Variants in DYNC2H1 observed in about 807,000 individuals in gnomAD.
The protein encoded by DYNC2H1 is cytoplasmic dynein 2 heavy chain 1.
Under a neutral mutation model 570.0 loss-of-function variants are expected in DYNC2H1, and 410 were observed. The observed-to-expected ratio is 0.72, with a 90% confidence interval of 0.66 to 0.78. DYNC2H1 has a LOEUF of 0.78. Ranked by LOEUF, DYNC2H1 falls within the 30% of genes least tolerant of loss-of-function variation. DYNC2H1 has a pLI of 0.00. For missense variants in DYNC2H1, 4,865 were observed against 5,046.4 expected, an observed-to-expected ratio of 0.96 and a Z score of 1.09; for synonymous variants, 1,688 against 1,677.6, an observed-to-expected ratio of 1.01 and a Z score of -0.15.
In DYNC2H1 at chr11:103,192,076, AT is replaced by A. The variant is rs1275765548; in HGVS notation, c.7541-20del. The A allele has an allele frequency of 6.9e-7, 1 of 1,440,618 alleles. No individual in the cohort carries two copies. Among genetic ancestry groups the A allele is most frequent in the Admixed American group, 2.1e-5 (1 of 47,824 alleles). The allele number at this position is 1,440,618 out of a possible 1,614,324, so 89.2% of individuals were successfully genotyped here. ...TTAAAAATCATTATATTACAATTAAATAAAATTTTGCCTTTTCTAGGATCCT... is the reference window on the plus strand; with the variant it reads ...TTAAAAATCATTATATTACAATTAAAAAAATTTTGCCTTTTCTAGGATCCT... On this transcript the variant is annotated intron_variant, in intron 46 of 88. Coordinates refer to ENST00000375735, the MANE Select transcript of DYNC2H1 (RefSeq NM_001377.3).
At chr11:103,428,960 TTTTTAA>T (rs1290086209) in intron 84 of DYNC2H1, among the ~76,000 whole-genome samples, 1 of 152,126 alleles carries the variant, frequency 6.6e-6, no homozygotes, top group African/African-American at 2.4e-5. Flanking sequence ...GCATTCTATT[TTTTTAA>T]TTGAAAAAAT....
rs771851271 is a variant in DYNC2H1, at chr11:103,156,572, A to T, written c.3929A>T (p.Gln1310Leu). 1 of 1,613,768 alleles carries T rather than the reference A, an allele frequency of 6.2e-7. No homozygotes were observed. The highest frequency in any genetic ancestry group is 1.3e-5 in the African/African-American group (1 of 75,046). ...GTTGGAGATAATAGATGCCTTCTCC[A>T]ATCCTTAAAGGATTCTCCTTATTAT... is the stretch of plus-strand genomic sequence containing the variant. ...NQVGDNRCLL[Q>L]SLKDSPYYKG... The change falls in exon 26 of 89, where the codon CAA (glutamine) becomes CTA (leucine). Residue 1310 changes from glutamine to leucine, a missense_variant. Around this residue, in one of 5 missense-constraint regions of DYNC2H1, gnomAD observed 1,936 missense variants for 1,962.1 expected, o/e 0.99. Coordinates refer to ENST00000375735, the MANE Select transcript of DYNC2H1 (RefSeq NM_001377.3).
At chr11:103,148,451 A>T in intron 19 of DYNC2H1, 39 bp from the exon 20 acceptor site, 1 of 1,533,052 alleles carries the variant, frequency 6.5e-7, no homozygotes, top group Non-Finnish European at 8.8e-7. Flanking sequence ...TTTTGATGGT[A>T]ATAATTAACA....
chr11:103,224,034 C>G (rs1360310097), intron 59 of DYNC2H1, among the ~76,000 whole-genome samples: 1 of 152,052 alleles, frequency 6.6e-6, no homozygotes, highest in African/African-American at 2.4e-5. Flanking sequence ...GCATAAGCCA[C>G]CGTGCCTTGC....
chr11:103,433,889 C>T (rs1331135313), intron 84 of DYNC2H1, among the ~76,000 whole-genome samples: 2 of 152,034 alleles, frequency 1.3e-5, no homozygotes, highest in Non-Finnish European at 2.9e-5. Context: ...AATGGTAGGA[C>T]AGGCATAGGG....
At chr11:103,453,014 G>A (rs17100945) in intron 85 of DYNC2H1, among the ~76,000 whole-genome samples, 36,548 of 151,860 alleles carry the variant, frequency 0.24, 4,603 homozygotes, top group Admixed American at 0.33. Flanking sequence ...GTGTTTGTGC[G>A]TGTATAATAT....
chr11:103,433,757 G>A (rs1266941938), intron 84 of DYNC2H1, among the ~76,000 whole-genome samples: 1 of 152,050 alleles, frequency 6.6e-6, no homozygotes, highest in African/African-American at 2.4e-5. Flanking sequence ...TTAAATCAGG[G>A]GAAAGTATGG....
At chr11:103,265,219 G>A (rs187426407) in intron 70 of DYNC2H1, among the ~76,000 whole-genome samples, 2 of 152,140 alleles carry the variant, frequency 1.3e-5, no homozygotes, top group East Asian at 1.9e-4. Flanking sequence ...TGGGGGGTGC[G>A]GTAAAAAGTG....
Position 103,177,469 on chromosome 11 carries a change from C to A in DYNC2H1, c.5875-87C>A. 1 of 1,365,136 alleles carries A rather than the reference C, an allele frequency of 7.3e-7. No homozygotes were observed. Among genetic ancestry groups the A allele is most frequent in the African/African-American group, 1.5e-5 (1 of 66,488 alleles). The allele number at this position is 1,365,136 out of a possible 1,614,324, so 84.6% of individuals were successfully genotyped here. A position where few individuals can be genotyped will look rare whatever the true frequency, so the allele number is the denominator to read the frequency against. On this transcript the variant is annotated intron_variant, in intron 37 of 88. Coordinates refer to ENST00000375735, the MANE Select transcript of DYNC2H1 (RefSeq NM_001377.3). This position sits in a 1 kb window ranked among gnomAD's most constrained non-coding sequence, Gnocchi z 4.4. ...GAAGAAATCAAAGGCTTAATTTACA[C>A]ATTAGAACAAGTGTTACAGAATAAA...
At chr11:103,436,759 T>C (rs181572378) in intron 85 of DYNC2H1, among the ~76,000 whole-genome samples, 2 of 152,258 alleles carry the variant, frequency 1.3e-5, no homozygotes, top group East Asian at 3.9e-4. Context: ...AACAGCCACA[T>C]TTCATTCTCA....
At chr11:103,382,901 A>G (rs561841218) in intron 83 of DYNC2H1, among the ~76,000 whole-genome samples, 3 of 152,358 alleles carry the variant, frequency 2.0e-5, no homozygotes, top group Middle Eastern at 3.4e-3. Context: ...TTGGTAACAC[A>G]TGTTGGAGAG....
rs7102117 is a variant in DYNC2H1, at chr11:103,174,365, A to G, written c.5674+195A>G. On this transcript the variant is annotated intron_variant, in intron 36 of 88. Transcript: ENST00000375735. ...ACAACTAATGAATCAACTTTGATACATTGTTTTTAAACTAAATTTCCTACT... is the reference window on the plus strand; with the variant it reads ...ACAACTAATGAATCAACTTTGATACGTTGTTTTTAAACTAAATTTCCTACT... 0.025 allele frequency among the ~76,000 whole-genome samples: 3,750 copies of G among 152,238 alleles called. 174 individuals carry two copies. The highest frequency in any genetic ancestry group is 0.085 in the African/African-American group (3,546 of 41,536).
At chr11:103,374,823 C>G (rs12576263) in intron 83 of DYNC2H1, among the ~76,000 whole-genome samples, 1 of 152,134 alleles carries the variant, frequency 6.6e-6, no homozygotes, top group Non-Finnish European at 1.5e-5. Flanking sequence ...AAGTTTGGAA[C>G]ATTTGCAGTC....
In DYNC2H1 at chr11:103,222,128, A is replaced by G. The variant is rs1299282661; in HGVS notation, c.9206A>G (p.Lys3069Arg). The change falls in exon 58 of 89, where the codon AAA becomes AGA. Residue 3069 changes from lysine (K) to arginine (R), a missense_variant. By Grantham distance (26) the Lys-to-Arg change is conservative. Around this residue, in one of 5 missense-constraint regions of DYNC2H1, gnomAD observed 2,401 missense variants for 2,454.6 expected, o/e 0.98. Transcript: ENST00000375735. Reference sequence around the variant, plus strand: ...GAGAGTGTTGAAGAACTTCTTTTTAAAAATAAAGGCTCTTTTGATCCAAAG... The same window carrying G: ...GAGAGTGTTGAAGAACTTCTTTTTAGAAATAAAGGCTCTTTTGATCCAAAG... ...IRESVEELLF[K>R]NKGSFDPKNA... 3 of 1,580,420 alleles carry G rather than the reference A, an allele frequency of 1.9e-6. No individual in the cohort carries two copies. The African/African-American group carries it at 4.1e-5, about 21-fold the overall frequency.
chr11:103,202,930 A>G (rs894001963), intron 50 of DYNC2H1, among the ~76,000 whole-genome samples: 2 of 152,134 alleles, frequency 1.3e-5, no homozygotes, highest in African/African-American at 2.4e-5. Context: ...TTTGCCTTTC[A>G]TCATTCTATT....
intron 84 of DYNC2H1, among the ~76,000 whole-genome samples, chr11:103,427,401 T>C (rs374445947): frequency 1.3e-5 from 2 of 152,310 alleles, no homozygotes. Context: ...ATGATAAACT[T>C]ACCTTCGTCT....
intron 75 of DYNC2H1, among the ~76,000 whole-genome samples, chr11:103,294,168 C>T (rs192370151): frequency 6.0e-4 from 92 of 152,236 alleles, no homozygotes; most frequent in Non-Finnish European, 8.7e-4. Context: ...AATTTCTTGT[C>T]GGAGAGGTTA....
In DYNC2H1 at chr11:103,241,396, C is replaced by A; in HGVS notation, c.9820-2297C>A. 1.4e-6 allele frequency: 1 copy of A among 721,360 alleles called. No individual in the cohort carries two copies. Among genetic ancestry groups the A allele is most frequent in the Non-Finnish European group, 2.3e-6 (1 of 431,912 alleles). The allele number at this position is 721,360 out of a possible 1,614,324, so 44.7% of individuals were successfully genotyped here. On this transcript the variant is annotated intron_variant, in intron 63 of 88. Transcript: ENST00000375735. The surrounding 1 kb of genome is among the most constrained non-coding windows in gnomAD (Gnocchi z 5.1). ...ATAAAATGTACCATAGAAATCTTAT[C>A]TAAATCTGTCTGGAGACGTAAAATA...
At chr11:103,298,396 T>A (rs889887354) in intron 75 of DYNC2H1, among the ~76,000 whole-genome samples, 1 of 152,134 alleles carries the variant, frequency 6.6e-6, no homozygotes, top group African/African-American at 2.4e-5. Context: ...GCACATAACC[T>A]TTCTTACTGA....
Sources: allele counts gnomAD v4.1 joint callset (sites outside exome capture counted in the v4.1 genomes callset), GRCh38; gene constraint gnomAD v4.1.1; regional missense constraint gnomAD v4.1.1; non-coding constraint Gnocchi (gnomAD v3.1); transcripts MANE v1.5; gene names NCBI Gene and HGNC (gene_info 2026-07-23, HGNC 2026-07-21).